CYRIA: variants seen among roughly 807,000 people sequenced by gnomAD.
The protein encoded by CYRIA is CYFIP-related Rac1 interactor A.
A neutral mutation model predicts 43.9 loss-of-function variants in CYRIA; 15 were observed. The observed-to-expected ratio is 0.34, with a 90% CI of 0.23 to 0.53. The LOEUF (loss-of-function observed/expected upper bound fraction) is 0.53. Among genes scored for constraint, CYRIA ranks in the 20% least tolerant of loss-of-function variants. The pLI, the probability that CYRIA is intolerant of heterozygous loss-of-function variation, is 0.94. For synonymous variants in CYRIA, 117 were observed against 136.0 expected, an observed-to-expected ratio of 0.86 and a Z score of 0.97; for missense variants, 236 against 394.2, an observed-to-expected ratio of 0.60 and a Z score of 3.40.
intron 10 of CYRIA, among the ~76,000 whole-genome samples, chr2:16,556,775 C>A (rs985587232): frequency 6.6e-6 from 1 of 151,974 alleles, no homozygotes; most frequent in African/African-American, 2.4e-5. Context: ...CAGCAGTGGG[C>A]ATGGAGGAGC....
intron 3 of CYRIA, among the ~76,000 whole-genome samples, chr2:16,585,852 A>G (rs1667712479): frequency 1.3e-5 from 2 of 152,116 alleles, no homozygotes; most frequent in African/African-American, 4.8e-5. Flanking sequence ...TCTAACATAG[A>G]CTCAGAAATC....
chr2:16,568,733 C>T (rs1257259434), intron 3 of CYRIA, among the ~76,000 whole-genome samples: 3 of 152,060 alleles, frequency 2.0e-5, no homozygotes, highest in Non-Finnish European at 2.9e-5. Flanking sequence ...AGTCAGTGAC[C>T]AAGATTCTCA....
chr2:16,550,718 T>C lies in CYRIA; in HGVS notation c.*2218A>G, dbSNP rs1444691498. ...TTAGCCAGCTGAGAGTCAGCTGTGG[T>C]AGAGACACACGACATGGGTTCAAGC... On this transcript the variant is annotated 3_prime_UTR_variant, in exon 12 of 12. Coordinates refer to ENST00000381323, the MANE Select transcript of CYRIA (RefSeq NM_030797.4). The C allele has an allele frequency of 6.6e-6, 1 of 152,164 alleles. No homozygotes were observed. Among genetic ancestry groups the C allele is most frequent in the Non-Finnish European group, 1.5e-5 (1 of 68,022 alleles). 9.4% of individuals were successfully genotyped at this position (152,164 alleles called of 1,614,324 possible). A position where few individuals can be genotyped will look rare whatever the true frequency, so the allele number is the denominator to read the frequency against.
chr2:16,571,991 G>A (rs1485459048), intron 3 of CYRIA, among the ~76,000 whole-genome samples: 3 of 152,200 alleles, frequency 2.0e-5, no homozygotes, highest in Admixed American at 6.5e-5. Context: ...GAGGACATTA[G>A]TCATCTTACA....
In CYRIA at chr2:16,650,292, C is replaced by T. The variant is rs541706810; in HGVS notation, c.-167+15488G>A. On this transcript the variant is annotated intron_variant, in intron 1 of 11. Transcript: ENST00000381323. The surrounding 1 kb of genome is among the most constrained non-coding windows in gnomAD (Gnocchi z 4.1). ...AATTTTATGGATGACATCCCTAAGA[C>T]GTAAGAGTGGTTAAGCAATGGCCCA... 6.6e-6 allele frequency among the ~76,000 whole-genome samples: 1 copy of T among 152,236 alleles called. No homozygotes were observed. The highest frequency in any genetic ancestry group is 2.1e-4 in the South Asian group (1 of 4,822).
Position 16,571,686 on chromosome 2 carries a change from T to C in CYRIA, c.71-5919A>G, listed in dbSNP as rs115128787. 9.6e-3 allele frequency among the ~76,000 whole-genome samples: 1,460 copies of C among 152,308 alleles called. 18 individuals carry two copies. The highest frequency in any genetic ancestry group is 0.031 in the African/African-American group (1,302 of 41,558). On this transcript the variant is annotated intron_variant, in intron 3 of 11. Coordinates refer to ENST00000381323, the MANE Select transcript of CYRIA (RefSeq NM_030797.4). ...CCTGGCATTTCATCAATAGGATATA[T>C]AGCTATCTCTGTGCCCCATGACTGT...
In CYRIA at chr2:16,552,090, G is replaced by A. The variant is rs924139575; in HGVS notation, c.*846C>T. ...TGCACCCAGAACTCTGCAGGTAACT[G>A]GAAGGTTGCTAAACTCACAAATAAC... On this transcript the variant is annotated 3_prime_UTR_variant, in exon 12 of 12. Transcript: ENST00000381323. The A allele has an allele frequency of 1.3e-5, 2 of 152,096 alleles. No homozygotes were observed. The highest frequency in any genetic ancestry group is 2.9e-5 in the Non-Finnish European group (2 of 68,076). 9.4% of individuals were successfully genotyped at this position (152,096 alleles called of 1,614,324 possible). A position where few individuals can be genotyped will look rare whatever the true frequency, so the allele number is the denominator to read the frequency against.
intron 3 of CYRIA, among the ~76,000 whole-genome samples, chr2:16,566,646 C>A (rs1388585284): frequency 6.6e-6 from 1 of 152,146 alleles, no homozygotes; most frequent in Non-Finnish European, 1.5e-5. Context: ...CTGAAGCTTC[C>A]ATAATGAAAA....
At chr2:16,567,337 G>A (rs1352048852) in intron 3 of CYRIA, among the ~76,000 whole-genome samples, 1 of 152,164 alleles carries the variant, frequency 6.6e-6, no homozygotes, top group Non-Finnish European at 1.5e-5. Context: ...CCTGGAGGCA[G>A]AGGTTGCAAT....
At chr2:16,635,972 C>T (rs1245314323) in intron 1 of CYRIA, among the ~76,000 whole-genome samples, 2 of 152,092 alleles carry the variant, frequency 1.3e-5, no homozygotes, top group African/African-American at 2.4e-5. Flanking sequence ...ATAAGAAACG[C>T]GACCGACATT....
At chr2:16,623,355 G>T (rs947962160) in intron 2 of CYRIA, among the ~76,000 whole-genome samples, 1 of 152,218 alleles carries the variant, frequency 6.6e-6, no homozygotes, top group South Asian at 2.1e-4. Flanking sequence ...GAGACATTGC[G>T]TTGGTGGTCA....
At chr2:16,620,941 G>A (rs1668972886) in intron 2 of CYRIA, among the ~76,000 whole-genome samples, 1 of 152,176 alleles carries the variant, frequency 6.6e-6, no homozygotes, top group South Asian at 2.1e-4. Flanking sequence ...CAGACAACCT[G>A]CTCCCAAGAA....
At chr2:16,631,017 G>GGTCTTGACCCGGGTCTACCCCTA (rs1351204545) in intron 1 of CYRIA, among the ~76,000 whole-genome samples, 8 of 152,170 alleles carry the variant, frequency 5.3e-5, no homozygotes, top group African/African-American at 1.9e-4. Flanking sequence ...GCCTTGACTT[G>GGTCTTGACCCGGGTCTACCCCTA]GTCTTGACCC....
intron 3 of CYRIA, among the ~76,000 whole-genome samples, chr2:16,579,186 A>G (rs1667458542): frequency 6.6e-6 from 1 of 152,208 alleles, no homozygotes; most frequent in African/African-American, 2.4e-5. Flanking sequence ...CTAGAACTCT[A>G]TGTAAGTATC....
intron 10 of CYRIA, among the ~76,000 whole-genome samples, chr2:16,556,260 C>T (rs540113458): frequency 6.6e-6 from 1 of 152,048 alleles, no homozygotes; most frequent in African/African-American, 2.4e-5. Flanking sequence ...GTGAGGATCA[C>T]TACAGGTGCA....
intron 9 of CYRIA, 141 bp from the exon 10 acceptor site, chr2:16,559,727 T>C (rs1278330744): frequency 6.9e-6 from 6 of 874,578 alleles, no homozygotes; most frequent in African/African-American, 1.7e-5. Flanking sequence ...AATATGCTTC[T>C]GAGGAAATCC....
At chr2:16,620,510 T>A (rs1388633258) in intron 2 of CYRIA, among the ~76,000 whole-genome samples, 1 of 152,228 alleles carries the variant, frequency 6.6e-6, no homozygotes, top group East Asian at 1.9e-4. Context: ...GAAACTATAA[T>A]CTTATAATAA....
chr2:16,658,875 G>A (rs1446954258), intron 1 of CYRIA, among the ~76,000 whole-genome samples: 2 of 152,144 alleles, frequency 1.3e-5, no homozygotes, highest in African/African-American at 4.8e-5. Context: ...TAGTTATCTT[G>A]TGTTCCTTCC....
intron 2 of CYRIA, among the ~76,000 whole-genome samples, chr2:16,622,053 G>T (rs138507283): frequency 6.6e-5 from 10 of 152,290 alleles, no homozygotes; most frequent in East Asian, 5.8e-4. Context: ...GACTGCCTTA[G>T]AAAAGCTAAC....
Sources: allele counts gnomAD v4.1 joint callset (sites outside exome capture counted in the v4.1 genomes callset), GRCh38; gene constraint gnomAD v4.1.1; non-coding constraint Gnocchi (gnomAD v3.1); transcripts MANE v1.5; gene names NCBI Gene and HGNC (gene_info 2026-07-23, HGNC 2026-07-21).